The following IL4R variants were observed in gnomAD, a reference collection of about 807,000 sequenced individuals.
IL4R encodes interleukin 4 receptor, also known as interleukin-4 receptor subunit alpha.
IL4R carries 17 observed loss-of-function variants against 41.5 expected under a neutral mutation model. The ratio of observed to expected loss-of-function variants is 0.41; its 90% CI spans 0.28 to 0.61. The LOEUF (loss-of-function observed/expected upper bound fraction) is 0.61, where lower values mean the gene tolerates loss of function less well. Ranked by LOEUF, IL4R falls within the 20% of genes least tolerant of loss-of-function variation. IL4R has a pLI of 0.31. For missense variants in IL4R, 974 were observed against 1,043.1 expected (o/e 0.93, Z 0.91); for synonymous variants, 402 against 422.9 (o/e 0.95, Z 0.61).
chr16:27,363,694 C>T lies in IL4R; in HGVS notation c.2342C>T (p.Ala781Val), dbSNP rs563574638. The T allele has an allele frequency of 6.2e-7, 1 of 1,613,936 alleles. No individual in the cohort carries two copies. The highest frequency in any genetic ancestry group is 1.7e-5 in the Admixed American group (1 of 60,026). ...LEASLCPASL[A>V]PSGISEKSKS... is the part of the protein sequence containing the mutation. ...GCCAGTCTGTGTCCGGCCTCCCTGG[C>T]ACCCTCGGGCATCTCAGAGAAGAGT... The change falls in exon 11 of 11, where the codon GCA becomes GTA. Residue 781 changes from alanine to valine, a missense_variant. By Grantham distance (64) the Ala-to-Val change is moderately conservative. Around this residue, in one of 3 missense-constraint regions of IL4R, gnomAD observed 682 missense variants for 704.3 expected, o/e 0.97. Transcript: ENST00000395762.
Position 27,355,962 on chromosome 16 carries a change from G to A in IL4R, c.770+55G>A, listed in dbSNP as rs2086059699. ...GTCCCTCTGGAGTGCAGGGTGGCAG[G>A]GACTTGCCCCTCTAGTCTGCCCCTT... On this transcript the variant is annotated intron_variant, in intron 8 of 10. Transcript: ENST00000395762. The A allele has an allele frequency of 2.4e-6, 3 of 1,261,460 alleles. No individual in the cohort carries two copies. The South Asian group carries it at 3.6e-5, about 15-fold the overall frequency. 78.1% of individuals were successfully genotyped at this position (1,261,460 alleles called of 1,614,324 possible).
chr16:27,348,135 G>T (rs1406353125), intron 6 of IL4R, among the ~76,000 whole-genome samples: 1 of 152,238 alleles, frequency 6.6e-6, no homozygotes, highest in African/African-American at 2.4e-5. Flanking sequence ...TCTCAATCTG[G>T]CCAAGCCAGG....
chr16:27,356,936 C>T (rs1052877086), intron 8 of IL4R, among the ~76,000 whole-genome samples: 2 of 152,072 alleles, frequency 1.3e-5, no homozygotes, highest in South Asian at 2.1e-4. Flanking sequence ...GAAGGAGCCT[C>T]GTTTCCAGAG....
chr16:27,340,121 A>G (rs1596808712), intron 2 of IL4R, 65 bp from the exon 3 acceptor site: 1 of 1,038,984 alleles, frequency 9.6e-7, no homozygotes, highest in Non-Finnish European at 1.5e-6. Context: ...AGGGTTGCAT[A>G]TTGAATAAGA....
intron 1 of IL4R, among the ~76,000 whole-genome samples, chr16:27,316,274 G>A (rs997991810): frequency 1.3e-5 from 2 of 152,204 alleles, no homozygotes; most frequent in Non-Finnish European, 2.9e-5. Flanking sequence ...GGAGGCTGAG[G>A]TGGGAGGATG....
rs756794537 is a variant in IL4R at position 27,341,270 on chromosome 16, C to T, written c.71-851C>T. On this transcript the variant is annotated intron_variant, in intron 3 of 10. Coordinates refer to ENST00000395762, the MANE Select transcript of IL4R (RefSeq NM_000418.4). Reference sequence around the variant, plus strand: ...TTCTGACCTAAACTACTGGGAAGGACGCGGTTGTCATTTCTGAAATGCAGA... The same window carrying T: ...TTCTGACCTAAACTACTGGGAAGGATGCGGTTGTCATTTCTGAAATGCAGA... 2.6e-5 allele frequency: 16 copies of T among 623,940 alleles called. No homozygotes were observed. In the Middle Eastern group the frequency reaches 7.4e-4, roughly 29 times the overall value. The allele number at this position is 623,940 out of a possible 1,614,324, so 38.7% of individuals were successfully genotyped here. A position where few individuals can be genotyped will look rare whatever the true frequency, so the allele number is the denominator to read the frequency against.
chr16:27,320,821 C>T (rs901593870), intron 1 of IL4R, among the ~76,000 whole-genome samples: 4 of 152,210 alleles, frequency 2.6e-5, no homozygotes, highest in African/African-American at 9.7e-5. Context: ...TCCAAGCTGG[C>T]AGGGCCACAG....
At chr16:27,355,137 G>A in intron 7 of IL4R, 1 of 370,316 alleles carries the variant, frequency 2.7e-6, no homozygotes, top group Non-Finnish European at 6.0e-6. Context: ...TGGAGGGAGA[G>A]ACAAAAAGCA....
At chr16:27,319,097 G>A (rs908454771) in intron 1 of IL4R, among the ~76,000 whole-genome samples, 1 of 152,208 alleles carries the variant, frequency 6.6e-6, no homozygotes, top group African/African-American at 2.4e-5. Context: ...GATATCTGGG[G>A]AAAGAGTGAT....
chr16:27,333,013 T>C (rs1040638856), intron 2 of IL4R, among the ~76,000 whole-genome samples: 1 of 152,060 alleles, frequency 6.6e-6, no homozygotes, highest in Non-Finnish European at 1.5e-5. Context: ...TTTGAATCCA[T>C]TGTGGCCTAA....
intron 4 of IL4R, among the ~76,000 whole-genome samples, chr16:27,343,272 C>A (rs2085502898): frequency 6.6e-6 from 1 of 152,238 alleles, no homozygotes; most frequent in South Asian, 2.1e-4. Context: ...GCTTTGTTTC[C>A]ATTGGCTTAG....
chr16:27,347,627 A>G (rs2239348), intron 6 of IL4R, among the ~76,000 whole-genome samples: 91,135 of 152,004 alleles, frequency 0.6, 27,901 homozygotes, highest in African/African-American at 0.72. Flanking sequence ...GCTGGTGTGC[A>G]GGGAGGTCAT....
At position 27,317,062 on chromosome 16, in the gene IL4R, G is replaced by T. The variant is rs868014966; in HGVS notation, c.-152+3042G>T. On this transcript the variant is annotated intron_variant, in intron 1 of 10. Coordinates refer to ENST00000395762, the MANE Select transcript of IL4R (RefSeq NM_000418.4). ...GGGACTACAGGTGTGTGCCACCACG[G>T]CTGGCTAATTGTTTTTATATTTTTA... is the stretch of plus-strand genomic sequence containing the variant. 2.9e-4 allele frequency among the ~76,000 whole-genome samples: 44 copies of T among 152,012 alleles called. 1 individual carries two copies. The highest frequency in any genetic ancestry group is 7.9e-4 in the Admixed American group (12 of 15,250).
rs1280143629 is a variant in IL4R at position 27,344,890 on chromosome 16, GAAC to G, written c.235_237del (p.Asn79del). The G allele has an allele frequency of 1.9e-6, 3 of 1,614,222 alleles. No individual in the cohort carries two copies. In the South Asian group the frequency reaches 3.3e-5, roughly 18 times the overall value. ...GCAGAGCCCACACGTGTATCCCTGA[GAAC>G]AACGGAGGCGCGGGGTGCGTGTGCC... is the stretch of plus-strand genomic sequence containing the variant. On this transcript the variant is annotated inframe_deletion, in exon 5 of 11. Coordinates refer to ENST00000395762, the MANE Select transcript of IL4R (RefSeq NM_000418.4).
Position 27,321,258 on chromosome 16 carries a change from A to G in IL4R, c.-152+7238A>G, listed in dbSNP as rs1035563652. 5.3e-5 allele frequency among the ~76,000 whole-genome samples: 8 copies of G among 152,206 alleles called. No individual in the cohort carries two copies. The South Asian group carries it at 1.5e-3, about 28-fold the overall frequency. Reference sequence around the variant, plus strand: ...CGTGCCCAGCCCAAATTAGCTTTCTAGGAGCTTCCACTTTCTGAGTCTGTT... The same window carrying G: ...CGTGCCCAGCCCAAATTAGCTTTCTGGGAGCTTCCACTTTCTGAGTCTGTT... On this transcript the variant is annotated intron_variant, in intron 1 of 10. Coordinates refer to ENST00000395762, the MANE Select transcript of IL4R (RefSeq NM_000418.4).
chr16:27,343,411 TTTTG>T lies in IL4R; in HGVS notation c.209+1176_209+1179del, dbSNP rs144213170. ...AAACTGCATGGCCCTCCTTTATGTT[TTTTG>T]TTTGTTTGTTTGTTTGTTTGTTTTC... On this transcript the variant is annotated intron_variant, in intron 4 of 10. Transcript: ENST00000395762. Among the ~76,000 whole-genome samples, 529 of 151,526 alleles carry T rather than the reference TTTTG, an allele frequency of 3.5e-3. 1 individual carries two copies. The highest frequency in any genetic ancestry group is 9.6e-3 in the South Asian group (46 of 4,780).
intron 7 of IL4R, among the ~76,000 whole-genome samples, chr16:27,353,847 G>C (rs2085960529): frequency 6.6e-6 from 1 of 152,094 alleles, no homozygotes; most frequent in African/African-American, 2.4e-5. Flanking sequence ...AGAGGTTAGG[G>C]AAAGTAAAGA....
chr16:27,333,592 A>C (rs1170674982), intron 2 of IL4R, among the ~76,000 whole-genome samples: 1 of 152,024 alleles, frequency 6.6e-6, no homozygotes, highest in Non-Finnish European at 1.5e-5. Flanking sequence ...TCTTGTGTGG[A>C]TTCGGTGAGG....
rs2086194046 is a variant in IL4R at position 27,359,117 on chromosome 16, TG to T, written c.849+124del. 9 of 743,560 alleles carry T rather than the reference TG, an allele frequency of 1.2e-5. No individual in the cohort carries two copies. The East Asian group carries it at 2.5e-4, about 20-fold the overall frequency. The allele number at this position is 743,560 out of a possible 1,614,324, so 46.1% of individuals were successfully genotyped here. A position where few individuals can be genotyped will look rare whatever the true frequency, so the allele number is the denominator to read the frequency against. ...ATGGCAAATAGACAGTCAGGAGGGT[TG>T]CAGGGGAGACAGAGACAGAAGCCGA... On this transcript the variant is annotated intron_variant, in intron 9 of 10. Transcript: ENST00000395762.
Sources: gnomAD v4.1 joint callset for allele counts (sites outside exome capture counted in the v4.1 genomes callset) on GRCh38, gnomAD v4.1.1 for gene constraint, gnomAD v4.1.1 regional missense constraint, MANE v1.5 for transcripts, NCBI Gene and HGNC (gene_info 2026-07-23, HGNC 2026-07-21) for gene names.